OGG1: variants seen among roughly 807,000 people sequenced by gnomAD.
The protein encoded by OGG1 is N-glycosylase/DNA lyase.
OGG1 carries 35 observed loss-of-function variants against 42.3 expected under a neutral mutation model. The observed-to-expected ratio is 0.83, with a 90% confidence interval of 0.63 to 1.10. The LOEUF (loss-of-function observed/expected upper bound fraction) is 1.10. Among genes scored for constraint, OGG1 ranks in the 50% least tolerant of loss-of-function variants. The probability of loss-of-function intolerance (pLI) is 0.00; values close to 1 mark genes in which losing one functional copy is unlikely to be tolerated. For synonymous variants in OGG1, 189 were observed against 179.0 expected, an observed-to-expected ratio of 1.06 and a Z score of -0.44; for missense variants, 484 against 446.7, an observed-to-expected ratio of 1.08 and a Z score of -0.75.
In OGG1 at chr3:9,756,579, T is replaced by C; in HGVS notation, c.856T>C (p.Ser286Pro). ...TGACTACAGCTGGCACCCTACCACGTCCCAGGCGAAGGGACCGAGCCCCCA... is the reference window on the plus strand; with the variant it reads ...TGACTACAGCTGGCACCCTACCACGCCCCAGGCGAAGGGACCGAGCCCCCA... ...QRDYSWHPTT[S>P]QAKGPSPQTN... Residue 286 changes from serine to proline, a missense_variant, in exon 5 of 7, where the codon TCC (serine) becomes CCC (proline). Physicochemically the swap from Ser to Pro is moderately conservative, Grantham distance 74. Transcript: ENST00000344629. 1.9e-6 allele frequency: 3 copies of C among 1,614,078 alleles called. No individual in the cohort carries two copies. The highest frequency in any genetic ancestry group is 2.5e-6 in the Non-Finnish European group (3 of 1,180,004).
chr3:9,766,167 A>G, exon 8 of OGG1: 1 of 906,694 alleles, frequency 1.1e-6, no homozygotes, highest in Non-Finnish European at 1.8e-6. Flanking sequence ...GGTAGGATGT[A>G]AGCCTGGAGC....
chr3:9,785,257 G>A, intron 3 of OGG1: 1 of 1,386,972 alleles, frequency 7.2e-7, no homozygotes, highest in Non-Finnish European at 1.0e-6. Context: ...AGGTTGAGAT[G>A]GAGAGAAGCC....
downstream of OGG1, chr3:9,757,487 G>T (rs1261049617): frequency 1.9e-6 from 3 of 1,603,688 alleles, no homozygotes; most frequent in Non-Finnish European, 2.6e-6. The surrounding 1 kb of genome is among the most constrained non-coding windows in gnomAD (Gnocchi z 4.5). Context: ...AAGGGGAGCA[G>T]GCTGCCCCCA....
At chr3:9,782,618 GAGACAGT>G (rs1273706658) in intron 3 of OGG1, among the ~76,000 whole-genome samples, 3 of 152,138 alleles carry the variant, frequency 2.0e-5, no homozygotes. Flanking sequence ...CAATATCTAA[GAGACAGT>G]AAGAATGGCC....
Position 9,750,969 on chromosome 3 carries a change from C to T in OGG1, c.162C>T (p.His54=), listed in dbSNP as rs750599706. 2 of 1,614,088 alleles carry T rather than the reference C, an allele frequency of 1.2e-6. No homozygotes were observed. Among genetic ancestry groups the T allele is most frequent in the East Asian group, 2.2e-5 (1 of 44,888 alleles). ...GGTGGAGGGAGCAAAGTCCTGCACACTGGAGTGGTGTACTAGCGGATCAAG... is the reference window on the plus strand; with the variant it reads ...GGTGGAGGGAGCAAAGTCCTGCACATTGGAGTGGTGTACTAGCGGATCAAG... The part of the protein sequence containing the change: ...SFRWREQSPA[H]WSGVLADQVW... Residue 54 remains histidine (H), a synonymous_variant, in exon 2 of 7, where the codon CAC becomes CAT. Transcript: ENST00000344629.
At chr3:9,755,680 G>T (rs959852199) in intron 4 of OGG1, among the ~76,000 whole-genome samples, 1 of 151,150 alleles carries the variant, frequency 6.6e-6, no homozygotes, top group Non-Finnish European at 1.5e-5. Flanking sequence ...GGCCAGGATG[G>T]TCTCAATCTG....
At chr3:9,772,780 C>T (rs1365583385) in intron 2 of OGG1, among the ~76,000 whole-genome samples, 1 of 152,092 alleles carries the variant, frequency 6.6e-6, no homozygotes, top group Admixed American at 6.5e-5. Flanking sequence ...GTATCTTGTC[C>T]AAAGGAATTA....
chr3:9,759,396 G>A (rs2304277), downstream of OGG1: 361,935 of 1,578,702 alleles, frequency 0.23, 45,853 homozygotes, highest in East Asian at 0.52. Context: ...TGTGTGCCCA[G>A]TGTGATGCCA....
chr3:9,759,883 AC>A (rs2077766754), downstream of OGG1: 4 of 1,473,814 alleles, frequency 2.7e-6, no homozygotes, highest in Non-Finnish European at 3.7e-6. Flanking sequence ...GCCCCACCCC[AC>A]CCAACCTATG....
chr3:9,751,648 G>T, intron 2 of OGG1, 122 bp from the exon 3 acceptor site: 1 of 903,980 alleles, frequency 1.1e-6, no homozygotes, highest in Non-Finnish European at 1.9e-6. Context: ...CTCTAACGGT[G>T]CTGACTCTCA....
At chr3:9,781,299 A>G (rs765423236) in intron 2 of OGG1, among the ~76,000 whole-genome samples, 1 of 152,040 alleles carries the variant, frequency 6.6e-6, no homozygotes, top group African/African-American at 2.4e-5. Context: ...ATATATATAC[A>G]TACACACACA....
At chr3:9,787,069 T>A (rs1295840705) in intron 3 of OGG1, 1 of 1,614,220 alleles carries the variant, frequency 6.2e-7, no homozygotes, top group East Asian at 2.2e-5. Context: ...CTTCCGGCTG[T>A]TCATGCTGGG....
rs372594517 is a variant in OGG1, at chr3:9,750,391, G to A, written c.105G>A (p.Leu35=). 4.3e-6 allele frequency: 7 copies of A among 1,613,948 alleles called. No individual in the cohort carries two copies. The highest frequency in any genetic ancestry group is 4.5e-5 in the East Asian group (2 of 44,882). ...CGTGCCCTCGCTCTGAGCTGCGCCT[G>A]GACCTGGTTCTGCCTTCTGGACAAT... ...SIPCPRSELR[L]DLVLPSGQSF... Residue 35 remains leucine (L), a synonymous_variant, in exon 1 of 7, where the codon CTG becomes CTA. Transcript: ENST00000344629.
In OGG1 at chr3:9,757,351, T is replaced by G. The variant is rs1559690813; in HGVS notation, c.*201T>G. ...TGAGGGAGACAGCGCTAAGGATGGT[T>G]TTATCTTCCCTTTATTACAAGAAGG... On this transcript the variant is annotated 3_prime_UTR_variant, in exon 7 of 7. Transcript: ENST00000344629. The surrounding 1 kb of genome is among the most constrained non-coding windows in gnomAD (Gnocchi z 4.5). 4 of 1,614,018 alleles carry G rather than the reference T, an allele frequency of 2.5e-6. No individual in the cohort carries two copies. The highest frequency in any genetic ancestry group is 3.4e-6 in the Non-Finnish European group (4 of 1,179,998).
chr3:9,766,397 C>A, exon 8 of OGG1: 1 of 542,852 alleles, frequency 1.8e-6, no homozygotes, highest in Non-Finnish European at 3.4e-6. Flanking sequence ...TAATTTAACA[C>A]CCTTTAGAAC....
At chr3:9,784,127 T>C in intron 3 of OGG1, 1 of 1,614,174 alleles carries the variant, frequency 6.2e-7, no homozygotes, top group Middle Eastern at 1.7e-4. Flanking sequence ...CTCGGAGTCC[T>C]CTGCGGGGCG....
rs2077465331 is a variant in OGG1 at position 9,754,873 on chromosome 3, A to G, written c.735A>G (p.Gly245=). ...EAHKALCILP[G]VGTKVADCIC... is the part of the protein sequence containing the mutation. ...ACAAGGCCCTCTGCATCCTGCCTGG[A>G]GTGGGCACCAAGGTGAGGCCCCAGG... is the stretch of plus-strand genomic sequence containing the variant. Residue 245 remains glycine, a synonymous_variant, in exon 4 of 7, where the codon GGA becomes GGG. Transcript: ENST00000344629. 1.3e-6 allele frequency: 2 copies of G among 1,596,916 alleles called. No individual in the cohort carries two copies. Among genetic ancestry groups the G allele is most frequent in the Non-Finnish European group, 1.7e-6 (2 of 1,171,366 alleles).
chr3:9,761,555 G>T (rs1291279958), downstream of OGG1: 7 of 1,613,246 alleles, frequency 4.3e-6, no homozygotes, highest in Non-Finnish European at 5.9e-6. Context: ...GGAAGAGGAC[G>T]TGGTGGTGAC....
chr3:9,775,482 C>T (rs1359890182), intron 2 of OGG1, among the ~76,000 whole-genome samples: 1 of 152,188 alleles, frequency 6.6e-6, no homozygotes, highest in Non-Finnish European at 1.5e-5. Flanking sequence ...CTCACTCCCT[C>T]TCATTAGTCC....
Sources: allele counts gnomAD v4.1 joint callset (sites outside exome capture counted in the v4.1 genomes callset), GRCh38; gene constraint gnomAD v4.1.1; non-coding constraint Gnocchi (gnomAD v3.1); transcripts MANE v1.5; gene names NCBI Gene and HGNC (gene_info 2026-07-23, HGNC 2026-07-21).